ADCY8: variants seen among roughly 807,000 people sequenced by gnomAD.
ADCY8 encodes the protein adenylate cyclase 8.
A neutral mutation model predicts 119.7 loss-of-function variants in ADCY8; 51 were observed. That is an observed-to-expected ratio of 0.43 (90% CI 0.34 to 0.54). The LOEUF is 0.54. ADCY8 is among the 20% of genes least tolerant of loss of function. ADCY8 has a pLI of 0.03. For missense variants in ADCY8, 1,383 were observed against 1,598.8 expected (o/e 0.87, Z 2.30); for synonymous variants, 665 against 651.0 (o/e 1.02, Z -0.33).
At chr8:130,992,978 A>T (rs1398401992) in intron 1 of ADCY8, among the ~76,000 whole-genome samples, 1 of 152,218 alleles carries the variant, frequency 6.6e-6, no homozygotes, top group Non-Finnish European at 1.5e-5. Flanking sequence ...TGCTAAAAAA[A>T]CAAAATCTTG....
At chr8:130,834,576 A>G (rs1816928979) in intron 12 of ADCY8, among the ~76,000 whole-genome samples, 2 of 152,176 alleles carry the variant, frequency 1.3e-5, no homozygotes, top group South Asian at 4.1e-4. Context: ...ATGGTAATTA[A>G]AGCATTTTTT....
At chr8:131,031,839 T>G (rs1485621248) in intron 1 of ADCY8, among the ~76,000 whole-genome samples, 1 of 152,166 alleles carries the variant, frequency 6.6e-6, no homozygotes, top group Non-Finnish European at 1.5e-5. Flanking sequence ...ATAAGATGGG[T>G]TCTGTTAGAT....
chr8:130,939,052 T>C (rs1475732115), intron 4 of ADCY8, among the ~76,000 whole-genome samples: 2 of 152,026 alleles, frequency 1.3e-5, no homozygotes. Flanking sequence ...GGGACTGTTA[T>C]GGAAAAAGAA....
At chr8:130,877,844 G>A (rs116085470) in intron 8 of ADCY8, among the ~76,000 whole-genome samples, 1,898 of 152,228 alleles carry the variant, frequency 0.012, 44 homozygotes, top group African/African-American at 0.043. Flanking sequence ...ATTGTTGGAA[G>A]CACCTCTTCC....
chr8:130,838,817 A>G (rs2130269962), intron 11 of ADCY8, among the ~76,000 whole-genome samples: 1 of 141,486 alleles, frequency 7.1e-6, no homozygotes, highest in African/African-American at 2.4e-5. Flanking sequence ...CGTGGTCTAA[A>G]ATGTAAAGCA....
intron 15 of ADCY8, among the ~76,000 whole-genome samples, chr8:130,799,271 G>A (rs1563668765): frequency 6.6e-6 from 1 of 152,192 alleles, no homozygotes; most frequent in African/African-American, 2.4e-5. Flanking sequence ...ATTGCCAAGA[G>A]AGTAGATCTT....
chr8:130,798,583 G>A (rs1307379960), intron 15 of ADCY8, among the ~76,000 whole-genome samples: 1 of 152,060 alleles, frequency 6.6e-6, no homozygotes, highest in African/African-American at 2.4e-5. Flanking sequence ...ATGAAGGGGA[G>A]CCACTGAAGT....
chr8:130,888,914 T>G (rs1244893902), intron 7 of ADCY8, among the ~76,000 whole-genome samples: 1 of 152,078 alleles, frequency 6.6e-6, no homozygotes, highest in Non-Finnish European at 1.5e-5. Flanking sequence ...AAATAATTCT[T>G]CCCAGCAAGA....
At chr8:130,993,903 C>G (rs142859680) in intron 1 of ADCY8, among the ~76,000 whole-genome samples, 82 of 152,280 alleles carry the variant, frequency 5.4e-4, no homozygotes, top group African/African-American at 1.9e-3. Context: ...AAAATATCAT[C>G]TTAGGATAGG....
intron 9 of ADCY8, among the ~76,000 whole-genome samples, chr8:130,856,989 C>A (rs1031562045): frequency 6.6e-6 from 1 of 150,490 alleles, no homozygotes; most frequent in Non-Finnish European, 1.5e-5. Context: ...GAAAACCACA[C>A]AAAAGTATAG....
chr8:131,003,359 C>T (rs1481264978), intron 1 of ADCY8, among the ~76,000 whole-genome samples: 1 of 152,106 alleles, frequency 6.6e-6, no homozygotes, highest in Non-Finnish European at 1.5e-5. Flanking sequence ...AATTTTTGCA[C>T]AAATTTTAAA....
At chr8:130,956,448 C>T (rs1821428127) in intron 2 of ADCY8, among the ~76,000 whole-genome samples, 1 of 152,208 alleles carries the variant, frequency 6.6e-6, no homozygotes, top group Admixed American at 6.5e-5. Flanking sequence ...TACTCATCTT[C>T]AAATTTGAGG....
At chr8:130,884,906 C>A in intron 7 of ADCY8, 145 bp from the exon 8 acceptor site, 2 of 838,422 alleles carry the variant, frequency 2.4e-6, no homozygotes, top group South Asian at 1.5e-5. Context: ...AGAAGTTGAT[C>A]TGATAGCATT....
chr8:130,975,782 TAC>T (rs1347622639), intron 2 of ADCY8, among the ~76,000 whole-genome samples: 29 of 152,322 alleles, frequency 1.9e-4, no homozygotes, highest in African/African-American at 6.3e-4. Flanking sequence ...TGTCTATAAA[TAC>T]AGTTAACAGT....
intron 2 of ADCY8, among the ~76,000 whole-genome samples, chr8:130,978,960 G>C (rs1271697247): frequency 2.6e-5 from 4 of 152,154 alleles, no homozygotes; most frequent in African/African-American, 9.7e-5. Flanking sequence ...AAGCGTACTA[G>C]ATGGCCCCTG....
At chr8:131,006,737 A>G (rs951317590) in intron 1 of ADCY8, among the ~76,000 whole-genome samples, 9 of 152,142 alleles carry the variant, frequency 5.9e-5, no homozygotes, top group Non-Finnish European at 1.0e-4. Context: ...ACAAATAACA[A>G]GAGGTTCTCT....
At chr8:130,842,081 T>C (rs1429015399) in intron 11 of ADCY8, among the ~76,000 whole-genome samples, 11 of 152,346 alleles carry the variant, frequency 7.2e-5, no homozygotes, top group Non-Finnish European at 7.4e-5. Context: ...GTTGGTGCTC[T>C]AGTACACTCC....
At chr8:131,015,506 G>T (rs933205688) in intron 1 of ADCY8, among the ~76,000 whole-genome samples, 1 of 152,070 alleles carries the variant, frequency 6.6e-6, no homozygotes, top group Non-Finnish European at 1.5e-5. Context: ...GCAAATAAAG[G>T]GTGGTAGAGA....
intron 5 of ADCY8, among the ~76,000 whole-genome samples, chr8:130,925,324 T>C (rs1820430924): frequency 6.6e-6 from 1 of 152,206 alleles, no homozygotes; most frequent in Non-Finnish European, 1.5e-5. Flanking sequence ...CTCAACTGCA[T>C]CAAATTTTCC....
Sources: gnomAD v4.1 joint callset for allele counts (sites outside exome capture counted in the v4.1 genomes callset) on GRCh38, gnomAD v4.1.1 for gene constraint, MANE v1.5 for transcripts, NCBI Gene and HGNC (gene_info 2026-07-23, HGNC 2026-07-21) for gene names.